The following SOBP variants were observed in gnomAD, a reference collection of about 807,000 sequenced individuals.
SOBP encodes sine oculis binding protein homolog.
Under a neutral mutation model 53.6 loss-of-function variants are expected in SOBP, and 4 were observed. That is an observed-to-expected ratio of 0.07 (90% confidence interval 0.04 to 0.17). The LOEUF is 0.17. SOBP is among the 10% of genes least tolerant of loss of function. The pLI is 1.00. For synonymous variants in SOBP, 584 were observed against 522.6 expected, an observed-to-expected ratio of 1.12 and a Z score of -1.60; for missense variants, 1,088 against 1,204.7, an observed-to-expected ratio of 0.90 and a Z score of 1.43.
At chr6:107,550,014 T>A (rs1408423970) in intron 4 of SOBP, among the ~76,000 whole-genome samples, 4 of 152,254 alleles carry the variant, frequency 2.6e-5, no homozygotes, top group South Asian at 2.1e-4. Context: ...GTCCCTCCTC[T>A]CCACACCTGG....
At chr6:107,579,904 G>A (rs1337170931) in intron 4 of SOBP, among the ~76,000 whole-genome samples, 1 of 152,186 alleles carries the variant, frequency 6.6e-6, no homozygotes, top group East Asian at 1.9e-4. Flanking sequence ...AGCCTGAAGA[G>A]CTATGGAGAA....
rs1181963943 is a variant in SOBP at position 107,658,865 on chromosome 6, GTGTTACACT to G, written c.*664_*672del. 2.6e-5 allele frequency: 4 copies of G among 152,612 alleles called. No homozygotes were observed. The highest frequency in any genetic ancestry group is 4.4e-5 in the Non-Finnish European group (3 of 68,038). The allele number at this position is 152,612 out of a possible 1,614,324, so 9.5% of individuals were successfully genotyped here. A position where few individuals can be genotyped will look rare whatever the true frequency, so the allele number is the denominator to read the frequency against. On this transcript the variant is annotated 3_prime_UTR_variant, in exon 7 of 7. Transcript: ENST00000317357. ...TATCCTTTTTGATGCCATATTTTCA[GTGTTACACT>G]TTTATGGCTTTTAATTTTCGATTTG...
intron 3 of SOBP, among the ~76,000 whole-genome samples, chr6:107,532,244 C>T (rs1001448972): frequency 1.1e-5 from 1 of 88,220 alleles, no homozygotes; most frequent in African/African-American, 6.8e-5. Context: ...CTCTCTCTCA[C>T]ACACACACAC....
chr6:107,543,432 G>A (rs1396579321), intron 4 of SOBP, among the ~76,000 whole-genome samples: 5 of 152,198 alleles, frequency 3.3e-5, no homozygotes, highest in Non-Finnish European at 5.9e-5. Flanking sequence ...TACATTACAT[G>A]CTCATACCTG....
chr6:107,546,262 C>T (rs1784298522), intron 4 of SOBP, among the ~76,000 whole-genome samples: 1 of 152,156 alleles, frequency 6.6e-6, no homozygotes, highest in Non-Finnish European at 1.5e-5. Context: ...AGTAGCTTCC[C>T]TGTCCTGTAT....
At chr6:107,543,811 A>G (rs1388125084) in intron 4 of SOBP, among the ~76,000 whole-genome samples, 1 of 152,202 alleles carries the variant, frequency 6.6e-6, no homozygotes, top group Non-Finnish European at 1.5e-5. Context: ...TCCTTAGATG[A>G]ACCACCTCTT....
At chr6:107,637,955 A>C (rs1278624301) in intron 6 of SOBP, among the ~76,000 whole-genome samples, 1 of 152,240 alleles carries the variant, frequency 6.6e-6, no homozygotes, top group Non-Finnish European at 1.5e-5. Context: ...GAGATTGAAG[A>C]GTTCTTTCAA....
At chr6:107,537,026 T>C (rs1313194276) in intron 4 of SOBP, among the ~76,000 whole-genome samples, 2 of 152,228 alleles carry the variant, frequency 1.3e-5, no homozygotes, top group Non-Finnish European at 1.5e-5. Flanking sequence ...AGCTCACTCT[T>C]TTCCCAGCCC....
At chr6:107,626,397 C>T (rs1398586068) in intron 5 of SOBP, among the ~76,000 whole-genome samples, 2 of 152,202 alleles carry the variant, frequency 1.3e-5, no homozygotes, top group East Asian at 1.9e-4. Flanking sequence ...TGGAGCACAG[C>T]GCAGTACTTA....
chr6:107,573,082 T>C (rs888898016), intron 4 of SOBP, among the ~76,000 whole-genome samples: 3 of 152,130 alleles, frequency 2.0e-5, no homozygotes, highest in Non-Finnish European at 2.9e-5. Flanking sequence ...AATGCCTTTT[T>C]TGAGGGAGCG....
intron 4 of SOBP, among the ~76,000 whole-genome samples, chr6:107,535,923 TCTC>T (rs1386591355): frequency 2.6e-5 from 4 of 152,296 alleles, no homozygotes; most frequent in South Asian, 4.1e-4. Context: ...AATAGCTACT[TCTC>T]CTCTTGTATC....
chr6:107,605,640 C>T (rs1786345165), intron 5 of SOBP, among the ~76,000 whole-genome samples: 1 of 152,238 alleles, frequency 6.6e-6, no homozygotes, highest in Non-Finnish European at 1.5e-5. Flanking sequence ...CAGACTGCCT[C>T]TGGCTCCAGG....
chr6:107,641,719 C>T (rs1343952603), intron 6 of SOBP, among the ~76,000 whole-genome samples: 1 of 152,268 alleles, frequency 6.6e-6, no homozygotes, highest in East Asian at 1.9e-4. Context: ...CCAGCCTAAG[C>T]TGCTGCCTGT....
chr6:107,611,524 A>T (rs1169351291), intron 5 of SOBP, among the ~76,000 whole-genome samples: 1 of 152,140 alleles, frequency 6.6e-6, no homozygotes. Context: ...AAAAGAACCA[A>T]CACTTTCTGC....
At chr6:107,620,863 T>C (rs1786978004) in intron 5 of SOBP, among the ~76,000 whole-genome samples, 1 of 152,182 alleles carries the variant, frequency 6.6e-6, no homozygotes, top group Non-Finnish European at 1.5e-5. Flanking sequence ...TTTCTCCTCT[T>C]ACCCGGGAGC....
chr6:107,543,051 G>A (rs1445525216), intron 4 of SOBP, among the ~76,000 whole-genome samples: 3 of 152,174 alleles, frequency 2.0e-5, no homozygotes, highest in African/African-American at 7.2e-5. Context: ...TTATTTTGAT[G>A]TCAGCTTTAT....
intron 4 of SOBP, among the ~76,000 whole-genome samples, chr6:107,546,201 A>G (rs79203279): frequency 0.011 from 1,605 of 152,330 alleles, 29 homozygotes; most frequent in African/African-American, 0.037. Context: ...CTGTGCTCCA[A>G]GGACCTTAGG....
rs1344526166 is a variant in SOBP at position 107,635,187 on chromosome 6, C to T, written c.2343C>T (p.His781=). 9 of 1,613,744 alleles carry T rather than the reference C, an allele frequency of 5.6e-6. No homozygotes were observed. Among genetic ancestry groups the T allele is most frequent in the African/African-American group, 1.3e-5 (1 of 74,922 alleles). The change falls in exon 6 of 7, where the codon CAC becomes CAT. Residue 781 remains histidine (H), a synonymous_variant. Coordinates refer to ENST00000317357, the MANE Select transcript of SOBP (RefSeq NM_018013.4). The surrounding 1 kb of genome is among the most constrained non-coding windows in gnomAD (Gnocchi z 4.5). The stretch of plus-strand genomic sequence containing the variant: ...AGAATAACTGTGCTTCCAACTGCCA[C>T]CTGGACGGGGAGGCGGCCAAAAAGC... ...VKENNCASNC[H]LDGEAAKKLM...
chr6:107,592,803 C>G (rs1785805923), intron 5 of SOBP, among the ~76,000 whole-genome samples: 1 of 152,212 alleles, frequency 6.6e-6, no homozygotes, highest in South Asian at 2.1e-4. Context: ...CCCCAGCCAT[C>G]TCCCAGATCC....
Sources: gnomAD v4.1 joint callset for allele counts (sites outside exome capture counted in the v4.1 genomes callset) on GRCh38, gnomAD v4.1.1 for gene constraint, Gnocchi (gnomAD v3.1) non-coding constraint, MANE v1.5 for transcripts, NCBI Gene and HGNC (gene_info 2026-07-23, HGNC 2026-07-21) for gene names.